The following MYO16 variants were observed in gnomAD, a reference collection of about 807,000 sequenced individuals.
MYO16 encodes the protein unconventional myosin-XVI.
MYO16 carries 94 observed loss-of-function variants against 205.3 expected under a neutral mutation model. That is an observed-to-expected ratio of 0.46 (90% CI 0.39 to 0.54). The LOEUF (loss-of-function observed/expected upper bound fraction) is 0.54. MYO16 is among the 20% of genes least tolerant of loss of function. MYO16 has a pLI of 0.00. For missense variants in MYO16, 2,315 were observed against 2,387.5 expected (o/e 0.97, Z 0.63); for synonymous variants, 988 against 954.0 (o/e 1.04, Z -0.66).
intron 32 of MYO16, among the ~76,000 whole-genome samples, chr13:109,151,699 G>A (rs1383026449): frequency 6.6e-6 from 1 of 152,222 alleles, no homozygotes; most frequent in Non-Finnish European, 1.5e-5. Context: ...AAATATGTAT[G>A]TTTTGGATTT....
intron 3 of MYO16, among the ~76,000 whole-genome samples, chr13:108,719,362 T>C (rs955636674): frequency 2.0e-5 from 3 of 152,188 alleles, no homozygotes; most frequent in Middle Eastern, 3.2e-3. Flanking sequence ...CCTAATAATT[T>C]ACATTACTCT....
intron 3 of MYO16, among the ~76,000 whole-genome samples, chr13:108,723,268 T>C (rs1884228621): frequency 2.6e-5 from 4 of 152,002 alleles, no homozygotes. Flanking sequence ...CTTTAACAGA[T>C]GGGTGTTTTG....
chr13:108,953,529 C>T (rs1261759840), intron 16 of MYO16, among the ~76,000 whole-genome samples: 1 of 149,890 alleles, frequency 6.7e-6, no homozygotes, highest in East Asian at 2.0e-4. Flanking sequence ...TATTTTTACT[C>T]TGTTTTACCG....
At chr13:108,636,481 GC>G (rs1880258070) in intron 1 of MYO16, among the ~76,000 whole-genome samples, 1 of 149,490 alleles carries the variant, frequency 6.7e-6, no homozygotes, top group Non-Finnish European at 1.5e-5. Context: ...CCAGGTTCGA[GC>G]AATTCTCCTG....
At chr13:108,926,866 A>T (rs1385400815) in intron 16 of MYO16, among the ~76,000 whole-genome samples, 1 of 152,054 alleles carries the variant, frequency 6.6e-6, no homozygotes, top group African/African-American at 2.4e-5. Context: ...AACATCTTTT[A>T]AAAAAAACAT....
chr13:108,669,908 C>T (rs1050672562), intron 2 of MYO16, among the ~76,000 whole-genome samples: 1 of 152,172 alleles, frequency 6.6e-6, no homozygotes, highest in Non-Finnish European at 1.5e-5. Flanking sequence ...GAACATCACA[C>T]ACTGGGGCCT....
the MYO16 span, among the ~76,000 whole-genome samples, chr13:108,544,363 A>T: frequency 2.0e-5 from 3 of 152,122 alleles, no homozygotes; most frequent in Non-Finnish European, 4.4e-5. Flanking sequence ...TTTTGTATTC[A>T]CTAATTTGTT....
chr13:109,064,433 C>G (rs9521150), intron 27 of MYO16, among the ~76,000 whole-genome samples: 75,525 of 151,966 alleles, frequency 0.5, 18,769 homozygotes, highest in Middle Eastern at 0.55. Context: ...TTCAGTTTAT[C>G]AGATCTTTTA....
At chr13:108,547,311 T>C in the MYO16 span, among the ~76,000 whole-genome samples, 6 of 151,124 alleles carry the variant, frequency 4.0e-5, no homozygotes, top group Non-Finnish European at 8.8e-5. Context: ...CTCCGGACTG[T>C]TGAGCACTGA....
intron 27 of MYO16, among the ~76,000 whole-genome samples, chr13:109,069,199 G>T (rs1490010962): frequency 6.6e-6 from 1 of 152,178 alleles, no homozygotes; most frequent in African/African-American, 2.4e-5. Flanking sequence ...AAAGTTCAAA[G>T]ATCAATATGC....
At chr13:108,606,706 T>C (rs570354871) in intron 1 of MYO16, among the ~76,000 whole-genome samples, 6 of 152,148 alleles carry the variant, frequency 3.9e-5, no homozygotes, top group South Asian at 2.1e-4. Context: ...AGAGTCCCCA[T>C]TGGGGCACTG....
intron 9 of MYO16, among the ~76,000 whole-genome samples, chr13:108,838,353 T>A (rs1345722962): frequency 6.6e-6 from 1 of 151,840 alleles, no homozygotes; most frequent in African/African-American, 2.4e-5. Context: ...TTCACTCAAA[T>A]TATAAAAAAA....
At chr13:108,524,204 G>A in the MYO16 span, among the ~76,000 whole-genome samples, 1 of 152,202 alleles carries the variant, frequency 6.6e-6, no homozygotes, top group East Asian at 1.9e-4. Context: ...GGAGGCTGAG[G>A]CAGGAGAATA....
intron 23 of MYO16, among the ~76,000 whole-genome samples, chr13:109,020,843 C>T (rs968377082): frequency 1.1e-4 from 17 of 152,132 alleles, no homozygotes; most frequent in African/African-American, 3.9e-4. Flanking sequence ...TAGACTCTGC[C>T]TTATGACAAA....
At chr13:109,102,452 A>G (rs973969716) in intron 28 of MYO16, among the ~76,000 whole-genome samples, 2 of 151,136 alleles carry the variant, frequency 1.3e-5, no homozygotes, top group African/African-American at 4.9e-5. Context: ...CTACTTACAG[A>G]TAATGATATA....
intron 4 of MYO16, among the ~76,000 whole-genome samples, chr13:108,740,118 A>C (rs1884851102): frequency 6.7e-6 from 1 of 148,772 alleles, no homozygotes; most frequent in South Asian, 2.2e-4. Context: ...GGTTGTCTGA[A>C]GCCCTCTTCT....
chr13:108,629,573 G>A (rs904925722), upstream of MYO16: 3 of 384,730 alleles, frequency 7.8e-6, no homozygotes, highest in Non-Finnish European at 1.4e-5. Flanking sequence ...TGTGGTACTC[G>A]GGGCTGTGTC....
At chr13:108,532,671 G>A in the MYO16 span, among the ~76,000 whole-genome samples, 43 of 151,852 alleles carry the variant, frequency 2.8e-4, no homozygotes, top group African/African-American at 1.0e-3. Flanking sequence ...CGTGTCTGTG[G>A]TTCCAGCTAC....
chr13:108,964,367 A>G (rs1282988645), intron 19 of MYO16, among the ~76,000 whole-genome samples: 3 of 152,188 alleles, frequency 2.0e-5, no homozygotes, highest in African/African-American at 7.2e-5. Flanking sequence ...CTTTGAAAAT[A>G]TTTAAAATAT....
Sources: gnomAD v4.1 joint callset for allele counts (sites outside exome capture counted in the v4.1 genomes callset) on GRCh38, gnomAD v4.1.1 for gene constraint, MANE v1.5 for transcripts, NCBI Gene and HGNC (gene_info 2026-07-23, HGNC 2026-07-21) for gene names.